The following INF2 variants were observed in gnomAD, a reference collection of about 807,000 sequenced individuals.
The protein encoded by INF2 is inverted formin 2.
Under a neutral mutation model 123.5 loss-of-function variants are expected in INF2, and 43 were observed. The ratio of observed to expected loss-of-function variants is 0.35; its 90% CI spans 0.27 to 0.45. INF2 has a LOEUF of 0.45. Ranked by LOEUF, INF2 falls within the 20% of genes least tolerant of loss-of-function variation. The pLI is 1.00. For synonymous variants in INF2, 851 were observed against 745.0 expected (o/e 1.14, Z -2.32); for missense variants, 1,453 against 1,682.7 (o/e 0.86, Z 2.39).
rs1384896041 is a variant in INF2, at chr14:104,721,271, G to A, written c.*2478G>A. On this transcript the variant is annotated 3_prime_UTR_variant, in exon 23 of 23. Coordinates refer to ENST00000392634, the MANE Select transcript of INF2 (RefSeq NM_022489.4). The stretch of plus-strand genomic sequence containing the variant: ...CTGCTGTGGACGTCTGCGTAGTCTC[G>A]TGTGGATGCTGCTGTGGACGTCTGC... 1 of 132,888 alleles carries A rather than the reference G, an allele frequency of 7.5e-6. No homozygotes were observed. Among genetic ancestry groups the A allele is most frequent in the African/African-American group, 3.0e-5 (1 of 33,606 alleles). 8.2% of individuals were successfully genotyped at this position (132,888 alleles called of 1,614,324 possible).
chr14:104,710,409 G>C (rs1035525375), intron 13 of INF2, among the ~76,000 whole-genome samples: 2 of 151,448 alleles, frequency 1.3e-5, no homozygotes, highest in African/African-American at 4.9e-5. Context: ...CGCCACTCGG[G>C]CACGTGCACA....
At chr14:104,695,843 C>T (rs752776092) in intron 1 of INF2, among the ~76,000 whole-genome samples, 6 of 152,074 alleles carry the variant, frequency 3.9e-5, no homozygotes, top group East Asian at 1.9e-4. Flanking sequence ...CCACCTCCAC[C>T]GACACTTGCC....
intron 1 of INF2, among the ~76,000 whole-genome samples, chr14:104,692,113 C>G (rs1888981790): frequency 6.6e-6 from 1 of 152,188 alleles, no homozygotes; most frequent in Non-Finnish European, 1.5e-5. Flanking sequence ...GGTCTGTCCA[C>G]TCACCATTCA....
rs775431460 is a variant in INF2 at position 104,712,981 on chromosome 14, C to T, written c.2764C>T (p.Arg922Cys). The change falls in exon 18 of 23, where the codon CGC (arginine) becomes TGC (cysteine). Residue 922 changes from arginine (R) to cysteine (C), a missense_variant. Physicochemically the swap from Arg to Cys is radical, Grantham distance 180. This residue lies in a region of INF2 where 212 missense variants were observed against 266.2 expected (regional missense o/e 0.80). Transcript: ENST00000392634. ...GAAGGCTTTCCGGGACCTTTTCCTC[C>T]GCGCCCTGAAGGTGGGGCAGCCCGG... Reference protein sequence around the residue: ...TMKAFRDLFLRALKENKDRKE... With the variant: ...TMKAFRDLFLCALKENKDRKE... 1.1e-5 allele frequency: 17 copies of T among 1,612,366 alleles called. No homozygotes were observed. The highest frequency in any genetic ancestry group is 5.5e-5 in the South Asian group (5 of 91,080).
In INF2 at chr14:104,719,755, C is replaced by G. The variant is rs573859941; in HGVS notation, c.*962C>G. ...GTGTGAACACTCACTGTTGAGGGGT[C>G]CCTGGGCCCCCAGGCACCGTGTGAG... On this transcript the variant is annotated 3_prime_UTR_variant, in exon 23 of 23. Coordinates refer to ENST00000392634, the MANE Select transcript of INF2 (RefSeq NM_022489.4). 4 of 152,086 alleles carry G rather than the reference C, an allele frequency of 2.6e-5. No homozygotes were observed. The highest frequency in any genetic ancestry group is 2.0e-4 in the Admixed American group (3 of 15,276). The allele number at this position is 152,086 out of a possible 1,614,324, so 9.4% of individuals were successfully genotyped here.
At position 104,715,758 on chromosome 14, in the gene INF2, CTCTG is replaced by C. The variant is rs1447751129; in HGVS notation, c.*1+424_*1+427del. ...TTCCAGTAACCCTGTGGCTTTCCTG[CTCTG>C]TCTGTTGGTGGAGGGCTATCTTCAC... On this transcript the variant is annotated intron_variant, in intron 22 of 22. Coordinates refer to ENST00000392634, the MANE Select transcript of INF2 (RefSeq NM_022489.4). 21 of 496,112 alleles carry C rather than the reference CTCTG, an allele frequency of 4.2e-5. No homozygotes were observed. In the Middle Eastern group the frequency reaches 1.8e-3, roughly 43 times the overall value. The allele number at this position is 496,112 out of a possible 1,614,324, so 30.7% of individuals were successfully genotyped here.
At chr14:104,704,353 ACTAC>A (rs1167625292) in intron 5 of INF2, 2 of 362,562 alleles carry the variant, frequency 5.5e-6, no homozygotes, top group Non-Finnish European at 9.9e-6. Flanking sequence ...GAGTTGAAAA[ACTAC>A]CTACAGGGTA....
chr14:104,689,904 C>A (rs1413231848), intron 1 of INF2, among the ~76,000 whole-genome samples, 165 bp downstream of exon 1: 1 of 151,934 alleles, frequency 6.6e-6, no homozygotes, highest in African/African-American at 2.4e-5. Flanking sequence ...GGGCGGGGAC[C>A]CCAGGGCGCC....
Position 104,701,546 on chromosome 14 carries a change from G to C in INF2, c.181G>C (p.Asp61His), listed in dbSNP as rs1410857502. The change falls in exon 2 of 23, where the codon GAC becomes CAC. Residue 61 changes from aspartate to histidine, a missense_variant. Asp to His is a moderately conservative substitution (Grantham distance 81, BLOSUM62 -1). This residue lies in a region of INF2 where 251 missense variants were observed against 349.4 expected (regional missense o/e 0.72). Coordinates refer to ENST00000392634, the MANE Select transcript of INF2 (RefSeq NM_022489.4). Reference sequence around the variant, plus strand: ...CCTGCGCAAGCGCCTGGAGGGCAGCGACGGCGGCTGGATGGTGCAGTTCCT... The same window carrying C: ...CCTGCGCAAGCGCCTGGAGGGCAGCCACGGCGGCTGGATGGTGCAGTTCCT... ...SGLRKRLEGS[D>H]GGWMVQFLEQ... 3 of 1,608,636 alleles carry C rather than the reference G, an allele frequency of 1.9e-6. No homozygotes were observed. Among genetic ancestry groups the C allele is most frequent in the Non-Finnish European group, 2.5e-6 (3 of 1,178,714 alleles).
chr14:104,715,813 C>G (rs1356230457), intron 22 of INF2: 2 of 463,486 alleles, frequency 4.3e-6, no homozygotes, highest in South Asian at 1.5e-5. Flanking sequence ...GGCGTGGGGC[C>G]TTCTGGGGCA....
At chr14:104,706,868 AG>A in intron 6 of INF2, 41 bp from the exon 7 acceptor site, 1 of 1,595,928 alleles carries the variant, frequency 6.3e-7, no homozygotes. Context: ...TCCACCAGGG[AG>A]GGGCCGGCTG....
Position 104,701,677 on chromosome 14 carries a change from C to T in INF2, c.312C>T (p.Cys104=), listed in dbSNP as rs387907036. ...DALLQLTCVS[C]VRAVMNSRQG... ...TGCTGCAGCTCACCTGCGTCAGCTGCGTGCGCGCCGTCATGAACTCGCGGC... is the reference window on the plus strand; with the variant it reads ...TGCTGCAGCTCACCTGCGTCAGCTGTGTGCGCGCCGTCATGAACTCGCGGC... The change falls in exon 2 of 23, where the codon TGC becomes TGT. Residue 104 remains cysteine (C), a synonymous_variant. Coordinates refer to ENST00000392634, the MANE Select transcript of INF2 (RefSeq NM_022489.4). 2.5e-6 allele frequency: 4 copies of T among 1,579,578 alleles called. No homozygotes were observed. Among genetic ancestry groups the T allele is most frequent in the East Asian group, 4.6e-5 (2 of 43,932 alleles).
In INF2 at chr14:104,718,663, C is replaced by G. The variant is rs1890430751; in HGVS notation, c.*2-132C>G. 8.7e-6 allele frequency: 13 copies of G among 1,491,148 alleles called. No homozygotes were observed. The South Asian group carries it at 1.6e-4, about 19-fold the overall frequency. 92.4% of individuals were successfully genotyped at this position (1,491,148 alleles called of 1,614,324 possible). ...GAAAGAGCCTGGGGTCAGAGTGGAC[C>G]TGCGATGCATGGCACAACCTGCTGG... On this transcript the variant is annotated intron_variant, in intron 22 of 22. Coordinates refer to ENST00000392634, the MANE Select transcript of INF2 (RefSeq NM_022489.4).
intron 1 of INF2, among the ~76,000 whole-genome samples, chr14:104,698,397 G>A (rs1404310080): frequency 1.3e-5 from 2 of 152,260 alleles, no homozygotes; most frequent in African/African-American, 2.4e-5. Flanking sequence ...GTCGGCCACC[G>A]CCACCCGCGT....
chr14:104,689,274 C>A, upstream of INF2: 1 of 984,870 alleles, frequency 1.0e-6, no homozygotes, highest in Non-Finnish European at 1.2e-6. Flanking sequence ...GCCAGTCCCA[C>A]CGGAGGATAG....
chr14:104,716,575 C>T (rs936546483), intron 22 of INF2, among the ~76,000 whole-genome samples: 3 of 152,260 alleles, frequency 2.0e-5, no homozygotes, highest in African/African-American at 7.2e-5. Flanking sequence ...CAGCTCCACG[C>T]TCCACCTGGT....
chr14:104,696,735 G>T (rs900494244), intron 1 of INF2, among the ~76,000 whole-genome samples: 1 of 152,112 alleles, frequency 6.6e-6, no homozygotes, highest in African/African-American at 2.4e-5. Context: ...TGGGGCTCTC[G>T]GAGGAGCTAA....
chr14:104,701,751 C>T lies in INF2; in HGVS notation c.386C>T (p.Ser129Phe). 1.3e-6 allele frequency: 2 copies of T among 1,507,424 alleles called. No individual in the cohort carries two copies. The highest frequency in any genetic ancestry group is 1.8e-6 in the Non-Finnish European group (2 of 1,126,886). The allele number at this position is 1,507,424 out of a possible 1,614,324, so 93.4% of individuals were successfully genotyped here. ...LSNQGYVRQL[S>F]QALDTSNVMV... is the part of the protein sequence containing the mutation. ...AACCAGGGCTACGTGCGCCAGCTCT[C>T]CCAGGGTGAGCCGCAGTGTGGGAGG... Residue 129 changes from serine (S) to phenylalanine (F), a missense_variant, in exon 2 of 23, where the codon TCC becomes TTC. By Grantham distance (155) the Ser-to-Phe change is radical. This residue lies in a region of INF2 where 251 missense variants were observed against 349.4 expected (regional missense o/e 0.72). Coordinates refer to ENST00000392634, the MANE Select transcript of INF2 (RefSeq NM_022489.4).
intron 5 of INF2, among the ~76,000 whole-genome samples, chr14:104,705,428 A>G (rs921628507): frequency 4.1e-5 from 6 of 147,004 alleles, no homozygotes; most frequent in African/African-American, 1.5e-4. Flanking sequence ...AAAAAAAAAA[A>G]CAGAAATGGC....
Sources: allele counts gnomAD v4.1 joint callset (sites outside exome capture counted in the v4.1 genomes callset), GRCh38; gene constraint gnomAD v4.1.1; regional missense constraint gnomAD v4.1.1; transcripts MANE v1.5; gene names NCBI Gene and HGNC (gene_info 2026-07-23, HGNC 2026-07-21).